Variants in POLR2C observed in about 807,000 individuals in gnomAD.
The protein encoded by POLR2C is RNA polymerase II subunit C, also known as DNA-directed RNA polymerase II subunit RPB3.
POLR2C carries 36 observed loss-of-function variants against 41.7 expected under a neutral mutation model. The observed-to-expected ratio is 0.86, with a 90% CI of 0.66 to 1.14. The LOEUF (loss-of-function observed/expected upper bound fraction) is 1.14. POLR2C is among the 50% of genes most tolerant of loss of function. The pLI, the probability that POLR2C is intolerant of heterozygous loss-of-function variation, is 0.00. For missense variants in POLR2C, 260 were observed against 350.4 expected, an observed-to-expected ratio of 0.74 and a Z score of 2.06; for synonymous variants, 133 against 137.8, an observed-to-expected ratio of 0.96 and a Z score of 0.25.
rs200329442 is a variant in POLR2C at position 57,466,916 on chromosome 16, TATAA to T, written c.258+693_258+696del. Among the ~76,000 whole-genome samples, 1,186 of 152,302 alleles carry T rather than the reference TATAA, an allele frequency of 7.8e-3. 13 individuals carry two copies. Among genetic ancestry groups the T allele is most frequent in the African/African-American group, 0.027 (1,114 of 41,558 alleles). ...TTGTGATGGCTAATTTGATATATCT[TATAA>T]ATATGTGTGTATTTTTAAAAAAGAA... is the stretch of plus-strand genomic sequence containing the variant. On this transcript the variant is annotated intron_variant, in intron 4 of 8. Transcript: ENST00000219252.
intron 4 of POLR2C, among the ~76,000 whole-genome samples, chr16:57,468,135 A>G (rs1041317858): frequency 6.6e-6 from 1 of 152,172 alleles, no homozygotes; most frequent in Non-Finnish European, 1.5e-5. Flanking sequence ...CAGCCTCCCA[A>G]GTAGCTGGGA....
Position 57,463,568 on chromosome 16 carries a change from G to A in POLR2C, c.136+490G>A. The A allele has an allele frequency of 6.9e-6, 3 of 431,726 alleles. 1 individual carries two copies. Among genetic ancestry groups the A allele is most frequent in the South Asian group, 3.3e-5 (2 of 61,082 alleles). 26.7% of individuals were successfully genotyped at this position (431,726 alleles called of 1,614,324 possible). Reference sequence around the variant, plus strand: ...CCTTCCAGCTCTAGTAGTCACCAGTGTGTTTATTGTCATCTTTATGTCCGT... The same window carrying A: ...CCTTCCAGCTCTAGTAGTCACCAGTATGTTTATTGTCATCTTTATGTCCGT... On this transcript the variant is annotated intron_variant, in intron 2 of 8. Coordinates refer to ENST00000219252, the MANE Select transcript of POLR2C (RefSeq NM_032940.3).
intron 2 of POLR2C, 186 bp downstream of exon 2, chr16:57,463,264 C>G (rs2030624869): frequency 1.6e-6 from 1 of 643,050 alleles, no homozygotes; most frequent in East Asian, 2.7e-5. Flanking sequence ...CTGGCGCCCA[C>G]GGGCCACTTA....
intron 8 of POLR2C, 62 bp from the exon 9 acceptor site, chr16:57,470,913 T>G: frequency 6.4e-7 from 1 of 1,559,654 alleles, no homozygotes; most frequent in Non-Finnish European, 8.8e-7. Flanking sequence ...GGGTTGTCCA[T>G]GGCCAGAGCT....
intron 4 of POLR2C, among the ~76,000 whole-genome samples, chr16:57,466,429 G>T (rs1195244454): frequency 6.6e-6 from 1 of 152,222 alleles, no homozygotes; most frequent in Non-Finnish European, 1.5e-5. Flanking sequence ...GAACATCAGG[G>T]AGTGTTGTTA....
chr16:57,467,428 T>C (rs2030736925), intron 4 of POLR2C, among the ~76,000 whole-genome samples: 1 of 152,230 alleles, frequency 6.6e-6, no homozygotes, highest in Non-Finnish European at 1.5e-5. Context: ...AATTTGGCGA[T>C]ATCTTACATA....
At chr16:57,464,101 A>T (rs1371883501) in intron 2 of POLR2C, 1 of 156,558 alleles carries the variant, frequency 6.4e-6, no homozygotes, top group Non-Finnish European at 1.4e-5. Flanking sequence ...CATCTGTAAC[A>T]TTCGGCCACT....
rs1598045694 is a variant in POLR2C, at chr16:57,471,246, C to T, written c.*127C>T. The T allele has an allele frequency of 1.3e-6, 1 of 774,788 alleles. No individual in the cohort carries two copies. Among genetic ancestry groups the T allele is most frequent in the East Asian group, 2.6e-5 (1 of 38,558 alleles). The allele number at this position is 774,788 out of a possible 1,614,324, so 48.0% of individuals were successfully genotyped here. A position where few individuals can be genotyped will look rare whatever the true frequency, so the allele number is the denominator to read the frequency against. ...TTGGTTGAGCTTCTTGGCAGGACAT[C>T]AGTACCAACTAGAAGTGGGTCATAG... On this transcript the variant is annotated 3_prime_UTR_variant, in exon 9 of 9. Transcript: ENST00000219252.
In POLR2C at chr16:57,469,043, C is replaced by A; in HGVS notation, c.259-122C>A. 1 of 914,546 alleles carries A rather than the reference C, an allele frequency of 1.1e-6. No homozygotes were observed. The highest frequency in any genetic ancestry group is 1.7e-6 in the Non-Finnish European group (1 of 595,090). The allele number at this position is 914,546 out of a possible 1,614,324, so 56.7% of individuals were successfully genotyped here. On this transcript the variant is annotated intron_variant, in intron 4 of 8. Transcript: ENST00000219252. The surrounding 1 kb of genome is among the most constrained non-coding windows in gnomAD (Gnocchi z 5.8). ...CCACAAGAACCTGGATACTGATGAACCCCTTTTTACAGGTGAAGAAACTTA... is the reference window on the plus strand; with the variant it reads ...CCACAAGAACCTGGATACTGATGAAACCCTTTTTACAGGTGAAGAAACTTA...
At chr16:57,464,842 A>G (rs937828084) in intron 2 of POLR2C, among the ~76,000 whole-genome samples, 1 of 152,132 alleles carries the variant, frequency 6.6e-6, no homozygotes, top group East Asian at 1.9e-4. Flanking sequence ...ATTCAGTTCT[A>G]CAAATAATAT....
At chr16:57,466,113 C>T in intron 3 of POLR2C, 62 bp from the exon 4 acceptor site, 1 of 1,478,532 alleles carries the variant, frequency 6.8e-7, no homozygotes, top group South Asian at 1.1e-5. Context: ...CAGAAGGCTT[C>T]TGGGTTCTCA....
intron 4 of POLR2C, among the ~76,000 whole-genome samples, chr16:57,466,698 C>T (rs2030716898): frequency 6.6e-6 from 1 of 152,166 alleles, no homozygotes; most frequent in African/African-American, 2.4e-5. Context: ...TCACCCCCTT[C>T]CTCCTGGTCG....
chr16:57,466,509 TAGCAGG>T (rs2030712266), intron 4 of POLR2C, among the ~76,000 whole-genome samples: 1 of 152,106 alleles, frequency 6.6e-6, no homozygotes, highest in Non-Finnish European at 1.5e-5. Flanking sequence ...CTCTTCCCAG[TAGCAGG>T]GGCCTTAGGA....
intron 2 of POLR2C, chr16:57,463,396 T>C (rs2030628862): frequency 8.4e-6 from 4 of 476,906 alleles, no homozygotes; most frequent in Non-Finnish European, 1.5e-5. Context: ...TTTCAACTTT[T>C]ATTTTGGAGT....
At position 57,462,715 on chromosome 16, in the gene POLR2C, C is replaced by A. The variant is rs778792663; in HGVS notation, c.-10C>A. 2 of 1,590,040 alleles carry A rather than the reference C, an allele frequency of 1.3e-6. No homozygotes were observed. Among genetic ancestry groups the A allele is most frequent in the Non-Finnish European group, 1.7e-6 (2 of 1,167,946 alleles). Reference sequence around the variant, plus strand: ...GGAGCAGACGCGGAGGCTGGTGGCCCCTGGGCGAGATGCCGTACGCCAACC... The same window carrying A: ...GGAGCAGACGCGGAGGCTGGTGGCCACTGGGCGAGATGCCGTACGCCAACC... On this transcript the variant is annotated 5_prime_UTR_variant, in exon 1 of 9. Coordinates refer to ENST00000219252, the MANE Select transcript of POLR2C (RefSeq NM_032940.3).
At chr16:57,468,110 AT>A (rs2030751232) in intron 4 of POLR2C, among the ~76,000 whole-genome samples, 2 of 152,136 alleles carry the variant, frequency 1.3e-5, no homozygotes, top group Admixed American at 6.5e-5. Context: ...CTGGGCTCAA[AT>A]GATTCTCCTG....
At chr16:57,463,805 T>C in intron 2 of POLR2C, 1 of 337,220 alleles carries the variant, frequency 3.0e-6, no homozygotes, top group Admixed American at 3.9e-5. Flanking sequence ...TAGCCAGGTG[T>C]GGTGGCTCCC....
chr16:57,468,469 T>G (rs2030758079), intron 4 of POLR2C, among the ~76,000 whole-genome samples: 2 of 152,186 alleles, frequency 1.3e-5, no homozygotes, highest in African/African-American at 4.8e-5. Context: ...TTTTCCTCAC[T>G]GGTGTGAGGG....
Position 57,471,156 on chromosome 16 carries a change from G to A in POLR2C, c.*37G>A, listed in dbSNP as rs1215693078. 1 of 1,595,630 alleles carries A rather than the reference G, an allele frequency of 6.3e-7. No individual in the cohort carries two copies. The highest frequency in any genetic ancestry group is 8.6e-7 in the Non-Finnish European group (1 of 1,163,930). On this transcript the variant is annotated 3_prime_UTR_variant, in exon 9 of 9. Transcript: ENST00000219252. ...CTGCTTCAGCAAAAACGGAGATTCA[G>A]GCCAGCAGCTGGATATGGGGGTCTC...
Sources: gnomAD v4.1 joint callset for allele counts (sites outside exome capture counted in the v4.1 genomes callset) on GRCh38, gnomAD v4.1.1 for gene constraint, Gnocchi (gnomAD v3.1) non-coding constraint, MANE v1.5 for transcripts, NCBI Gene and HGNC (gene_info 2026-07-23, HGNC 2026-07-21) for gene names.